PTPRK: variants seen among roughly 807,000 people sequenced by gnomAD.
PTPRK encodes the protein protein tyrosine phosphatase receptor type K.
Under a neutral mutation model 178.0 loss-of-function variants are expected in PTPRK, and 75 were observed. The ratio of observed to expected loss-of-function variants is 0.42; its 90% CI spans 0.35 to 0.51. The LOEUF is 0.51. Among genes scored for constraint, PTPRK ranks in the 20% least tolerant of loss-of-function variants. PTPRK has a pLI of 0.02. For synonymous variants in PTPRK, 637 were observed against 620.6 expected, an observed-to-expected ratio of 1.03 and a Z score of -0.39; for missense variants, 1,441 against 1,797.8, an observed-to-expected ratio of 0.80 and a Z score of 3.59.
At chr6:128,247,695 T>C (rs1158493570) in intron 3 of PTPRK, among the ~76,000 whole-genome samples, 1 of 152,186 alleles carries the variant, frequency 6.6e-6, no homozygotes, top group Admixed American at 6.5e-5. Context: ...AAGGAAAGTT[T>C]ATAGGGAAGA....
intron 13 of PTPRK, among the ~76,000 whole-genome samples, chr6:128,019,237 A>G (rs1039567843): frequency 5.3e-5 from 8 of 152,232 alleles, no homozygotes; most frequent in African/African-American, 1.9e-4. Context: ...AATTAAAAAT[A>G]TAGCCTATGC....
At chr6:128,241,722 C>T (rs576398957) in intron 4 of PTPRK, among the ~76,000 whole-genome samples, 3 of 151,888 alleles carry the variant, frequency 2.0e-5, no homozygotes, top group Non-Finnish European at 2.9e-5. Flanking sequence ...ATCAATGTGC[C>T]TCTAAGGGCA....
intron 7 of PTPRK, among the ~76,000 whole-genome samples, chr6:128,161,163 T>C (rs1020839907): frequency 2.6e-5 from 4 of 151,764 alleles, no homozygotes; most frequent in African/African-American, 9.7e-5. Flanking sequence ...GCTTATATTT[T>C]GAAACAATTT....
chr6:128,017,828 A>ATATATG (rs1396159528), intron 13 of PTPRK, among the ~76,000 whole-genome samples: 2 of 132,596 alleles, frequency 1.5e-5, no homozygotes, highest in African/African-American at 6.2e-5. Flanking sequence ...ATATATATAT[A>ATATATG]TATATTTGGC....
In PTPRK at chr6:128,284,604, G is replaced by A. The variant is rs976500399; in HGVS notation, c.495+37435C>T. 2.6e-5 allele frequency among the ~76,000 whole-genome samples: 4 copies of A among 152,208 alleles called. 1 individual carries two copies. The highest frequency in any genetic ancestry group is 4.1e-4 in the South Asian group (2 of 4,830). ...TTATTCTCTGTTTCACTGGAGTTTGGAAGACAAAAACAAGATGACCTCCTT... is the reference window on the plus strand; with the variant it reads ...TTATTCTCTGTTTCACTGGAGTTTGAAAGACAAAAACAAGATGACCTCCTT... On this transcript the variant is annotated intron_variant, in intron 3 of 29. Coordinates refer to ENST00000368226, the MANE Select transcript of PTPRK (RefSeq NM_002844.4).
intron 7 of PTPRK, among the ~76,000 whole-genome samples, chr6:128,115,470 A>G (rs1791346482): frequency 6.6e-6 from 1 of 152,136 alleles, no homozygotes; most frequent in African/African-American, 2.4e-5. Flanking sequence ...ACAGGTATAC[A>G]GCCACAAGAG....
chr6:128,043,188 C>G (rs1013204124), intron 13 of PTPRK, among the ~76,000 whole-genome samples: 5 of 151,830 alleles, frequency 3.3e-5, no homozygotes, highest in Non-Finnish European at 7.4e-5. Context: ...TACGATAGAC[C>G]TCTGGTAATT....
At chr6:128,359,876 T>C (rs1212104165) in intron 2 of PTPRK, among the ~76,000 whole-genome samples, 1 of 152,214 alleles carries the variant, frequency 6.6e-6, no homozygotes, top group African/African-American at 2.4e-5. Flanking sequence ...TGCATGGCAA[T>C]AATTCAGTAG....
At chr6:128,229,903 G>A (rs931318642) in intron 5 of PTPRK, among the ~76,000 whole-genome samples, 2 of 152,048 alleles carry the variant, frequency 1.3e-5, no homozygotes, top group Non-Finnish European at 2.9e-5. Flanking sequence ...TTGTGTTATT[G>A]GGTAACCAAA....
chr6:128,023,323 A>G (rs544239577), intron 13 of PTPRK, among the ~76,000 whole-genome samples: 79 of 152,302 alleles, frequency 5.2e-4, no homozygotes, highest in African/African-American at 1.8e-3. Context: ...ATCATTTTCT[A>G]CGCATAAATC....
chr6:128,429,855 A>G (rs1844599643), intron 1 of PTPRK, among the ~76,000 whole-genome samples: 1 of 152,216 alleles, frequency 6.6e-6, no homozygotes, highest in African/African-American at 2.4e-5. Context: ...AGAGAACATC[A>G]ACCATAATGA....
intron 1 of PTPRK, among the ~76,000 whole-genome samples, chr6:128,464,095 T>A (rs1480721108): frequency 6.6e-6 from 1 of 152,080 alleles, no homozygotes; most frequent in Admixed American, 6.6e-5. Flanking sequence ...ATGAATTACA[T>A]GACAAACTTT....
chr6:128,252,879 G>A (rs993776861), intron 3 of PTPRK, among the ~76,000 whole-genome samples: 3 of 152,118 alleles, frequency 2.0e-5, no homozygotes, highest in African/African-American at 7.2e-5. Flanking sequence ...ACACCTTTTA[G>A]CTCTTCTGTG....
intron 13 of PTPRK, among the ~76,000 whole-genome samples, chr6:128,054,259 C>A (rs9375546): frequency 0.8 from 121,206 of 152,172 alleles, 49,159 homozygotes; most frequent in South Asian, 0.97. Context: ...CTTTCATTTC[C>A]AACTGTCAAA....
intron 1 of PTPRK, among the ~76,000 whole-genome samples, chr6:128,476,553 T>C (rs1239812031): frequency 6.6e-6 from 1 of 151,994 alleles, no homozygotes; most frequent in Non-Finnish European, 1.5e-5. Flanking sequence ...TCTTTAGAAA[T>C]AATATGTATA....
At chr6:128,426,023 T>C (rs1461872743) in intron 1 of PTPRK, among the ~76,000 whole-genome samples, 1 of 152,222 alleles carries the variant, frequency 6.6e-6, no homozygotes, top group African/African-American at 2.4e-5. Flanking sequence ...AGGAGGCAGA[T>C]ATAGTACCCA....
At chr6:128,208,861 C>A (rs955502544) in intron 6 of PTPRK, among the ~76,000 whole-genome samples, 3 of 152,094 alleles carry the variant, frequency 2.0e-5, no homozygotes, top group Non-Finnish European at 4.4e-5. Flanking sequence ...GTTCCTAGCA[C>A]CCCAATCGAA....
rs1249465241 is a variant in PTPRK, at chr6:127,972,156, G to A, written c.4269+866C>T. On this transcript the variant is annotated intron_variant, in intron 29 of 29. Coordinates refer to ENST00000368226, the MANE Select transcript of PTPRK (RefSeq NM_002844.4). ...AGGAAGCAACGCAACTCTTGTGCGA[G>A]CAATCCATGAGCAGGAAGTGGTGAA... Among the ~76,000 whole-genome samples the A allele has an allele frequency of 1.3e-5, 2 of 152,180 alleles. 1 individual carries two copies. Among genetic ancestry groups the A allele is most frequent in the Admixed American group, 1.3e-4 (2 of 15,274 alleles).
chr6:128,029,939 G>A (rs1582600595), intron 13 of PTPRK, among the ~76,000 whole-genome samples: 1 of 152,242 alleles, frequency 6.6e-6, no homozygotes, highest in East Asian at 1.9e-4. Flanking sequence ...AGTGTTGTCA[G>A]ATGAAAAGGA....
Sources: gnomAD v4.1 joint callset for allele counts (sites outside exome capture counted in the v4.1 genomes callset) on GRCh38, gnomAD v4.1.1 for gene constraint, MANE v1.5 for transcripts, NCBI Gene and HGNC (gene_info 2026-07-23, HGNC 2026-07-21) for gene names.